Variants in AKR1B15 observed in about 807,000 individuals in gnomAD.
The protein encoded by AKR1B15 is aldo-keto reductase family 1 member B15.
AKR1B15 carries 49 observed loss-of-function variants against 38.5 expected under a neutral mutation model. That is an observed-to-expected ratio of 1.27 (90% CI 1.01 to 1.62). AKR1B15 has a LOEUF of 1.62. Ranked by LOEUF, AKR1B15 falls within the 40% of genes most tolerant of loss-of-function variation. The pLI, the probability that AKR1B15 is intolerant of heterozygous loss-of-function variation, is 0.00. For missense variants in AKR1B15, 411 were observed against 381.6 expected (o/e 1.08, Z -0.64); for synonymous variants, 137 against 135.5 (o/e 1.01, Z -0.08).
chr7:134,549,655 C>T (rs1423893257), intron 1 of AKR1B15, among the ~76,000 whole-genome samples: 1 of 152,164 alleles, frequency 6.6e-6, no homozygotes, highest in Non-Finnish European at 1.5e-5. Context: ...TTATACCAGC[C>T]TGCCAATGCC....
intron 1 of AKR1B15, among the ~76,000 whole-genome samples, chr7:134,553,680 C>T (rs186404692): frequency 5.9e-5 from 9 of 152,330 alleles, no homozygotes; most frequent in Middle Eastern, 3.4e-3. Flanking sequence ...AGATCAGCCG[C>T]GTTTAACTTT....
At chr7:134,569,385 T>C (rs1476154247) in intron 4 of AKR1B15, 28 bp from the exon 5 acceptor site, 1 of 1,612,804 alleles carries the variant, frequency 6.2e-7, no homozygotes, top group Non-Finnish European at 8.5e-7. Flanking sequence ...TTCCCAGTAT[T>C]ACTAGCTCAT....
At chr7:134,563,964 ATTC>A (rs146923387) in intron 2 of AKR1B15, among the ~76,000 whole-genome samples, 2,594 of 152,256 alleles carry the variant, frequency 0.017, 73 homozygotes, top group African/African-American at 0.059. Flanking sequence ...GCCAAGGCAG[ATTC>A]TTCTTCTGTG....
chr7:134,575,461 T>TG lies in AKR1B15; in HGVS notation c.559dup (p.Val187GlyfsTer21), dbSNP rs1267681030. On this transcript the variant is annotated frameshift_variant, in exon 7 of 12. Coordinates refer to ENST00000457545, the MANE Select transcript of AKR1B15 (RefSeq NM_001080538.3). LOFTEE classifies it high-confidence loss of function. ...TGGACGAGGGGCTGGTGAAAGCCCTTGGGGTCTCAAATTTCAACCACTTCC... is the reference window on the plus strand; with the variant it reads ...TGGACGAGGGGCTGGTGAAAGCCCTTGGGGGTCTCAAATTTCAACCACTTCC... 1 of 1,613,866 alleles carries TG rather than the reference T, an allele frequency of 6.2e-7. No individual in the cohort carries two copies. The highest frequency in any genetic ancestry group is 2.2e-5 in the East Asian group (1 of 44,858).
chr7:134,575,339 C>G, intron 6 of AKR1B15, 81 bp from the exon 7 acceptor site: 2 of 1,543,968 alleles, frequency 1.3e-6, no homozygotes, highest in Admixed American at 2.1e-5. Context: ...TTAGCAATTT[C>G]TGCCCCAGGG....
At chr7:134,576,265 A>G (rs1435105646) in intron 8 of AKR1B15, 84 bp from the exon 9 acceptor site, 1 of 1,385,146 alleles carries the variant, frequency 7.2e-7, no homozygotes, top group East Asian at 2.3e-5. Flanking sequence ...TCTGATGATC[A>G]GTCTTGAGAC....
At chr7:134,561,551 C>T (rs1377536641) in intron 2 of AKR1B15, among the ~76,000 whole-genome samples, 1 of 152,212 alleles carries the variant, frequency 6.6e-6, no homozygotes, top group Non-Finnish European at 1.5e-5. Context: ...TAACAAACAT[C>T]AATGAAGTGT....
intron 9 of AKR1B15, 51 bp downstream of exon 9, chr7:134,576,481 C>T (rs1239691941): frequency 6.3e-7 from 1 of 1,595,316 alleles, no homozygotes. Flanking sequence ...CTTCCAGTCT[C>T]ATGTTTCATT....
At chr7:134,568,874 A>AC (rs1015180264) in intron 4 of AKR1B15, among the ~76,000 whole-genome samples, 1 of 151,066 alleles carries the variant, frequency 6.6e-6, no homozygotes, top group Non-Finnish European at 1.5e-5. Context: ...TGAAAAAAAA[A>AC]ACAAAACACT....
At chr7:134,577,269 C>T (rs1243212731) in intron 10 of AKR1B15, among the ~76,000 whole-genome samples, 1 of 152,214 alleles carries the variant, frequency 6.6e-6, no homozygotes, top group African/African-American at 2.4e-5. Flanking sequence ...CCTATCAGGT[C>T]TGAGCACAGT....
chr7:134,556,027 C>T (rs1273999517), intron 1 of AKR1B15, among the ~76,000 whole-genome samples: 1 of 152,106 alleles, frequency 6.6e-6, no homozygotes, highest in Non-Finnish European at 1.5e-5. Context: ...TCTCCGTAAC[C>T]CTAGTTTAAC....
intron 1 of AKR1B15, among the ~76,000 whole-genome samples, chr7:134,555,291 T>C (rs975899643): frequency 1.3e-5 from 2 of 152,026 alleles, no homozygotes; most frequent in East Asian, 3.9e-4. Flanking sequence ...CTAGTGTATG[T>C]TAAAAAGTTC....
intron 6 of AKR1B15, 94 bp downstream of exon 6, chr7:134,571,775 T>G: frequency 1.0e-6 from 1 of 970,068 alleles, no homozygotes; most frequent in South Asian, 1.5e-5. Context: ...TGCCTGATGC[T>G]TTCTAATTTC....
At chr7:134,566,259 C>A (rs1276862611) in intron 3 of AKR1B15, among the ~76,000 whole-genome samples, 1 of 152,138 alleles carries the variant, frequency 6.6e-6, no homozygotes, top group East Asian at 1.9e-4. Flanking sequence ...TGTGCCACTG[C>A]ACTCCAGTCT....
intron 1 of AKR1B15, among the ~76,000 whole-genome samples, chr7:134,552,542 A>G (rs73164857): frequency 0.42 from 63,633 of 151,882 alleles, 13,718 homozygotes; most frequent in Non-Finnish European, 0.45. Context: ...TACTCACACC[A>G]TGTGAGATCG....
intron 6 of AKR1B15, among the ~76,000 whole-genome samples, chr7:134,575,129 G>A (rs749376916): frequency 1.4e-4 from 22 of 152,166 alleles, no homozygotes; most frequent in Non-Finnish European, 1.9e-4. Flanking sequence ...TATTTCCATG[G>A]TGTATGGAAC....
intron 2 of AKR1B15, among the ~76,000 whole-genome samples, chr7:134,559,779 C>T (rs1425735589): frequency 1.3e-5 from 2 of 152,138 alleles, no homozygotes; most frequent in African/African-American, 2.4e-5. Flanking sequence ...AGTAGCTAAT[C>T]AAAGTTCTTA....
intron 1 of AKR1B15, among the ~76,000 whole-genome samples, chr7:134,555,694 C>T (rs181245686): frequency 2.6e-5 from 4 of 152,222 alleles, no homozygotes; most frequent in Admixed American, 2.0e-4. Flanking sequence ...TGCCCATACC[C>T]TTGAAGAGCA....
chr7:134,574,442 C>T (rs1794722158), intron 6 of AKR1B15, among the ~76,000 whole-genome samples: 1 of 152,168 alleles, frequency 6.6e-6, no homozygotes, highest in African/African-American at 2.4e-5. Context: ...CAACTGCGGG[C>T]TGTGTGAATC....
Sources: allele counts gnomAD v4.1 joint callset (sites outside exome capture counted in the v4.1 genomes callset), GRCh38; gene constraint gnomAD v4.1.1; transcripts MANE v1.5; gene names NCBI Gene and HGNC (gene_info 2026-07-23, HGNC 2026-07-21).